NCR2: variants seen among roughly 807,000 people sequenced by gnomAD.
NCR2 encodes the protein NK cell activating receptor (NKp44).
NCR2 carries 35 observed loss-of-function variants against 30.7 expected under a neutral mutation model. That is an observed-to-expected ratio of 1.14 (90% CI 0.87 to 1.51). The LOEUF (loss-of-function observed/expected upper bound fraction) is 1.51, where lower values mean the gene tolerates loss of function less well. NCR2 is among the 40% of genes most tolerant of loss of function. NCR2 has a pLI of 0.00. For missense variants in NCR2, 316 were observed against 328.9 expected (o/e 0.96, Z 0.30); for synonymous variants, 146 against 134.8 (o/e 1.08, Z -0.58).
Position 41,336,362 on chromosome 6 carries a change from A to G in NCR2, c.328A>G (p.Arg110Gly), listed in dbSNP as rs754271377. Reference sequence around the variant, plus strand: ...GGAAGACTCAGGACATTACTGGTGTAGAATCTACCGCCCTTCTGACAACTC... The same window carrying G: ...GGAAGACTCAGGACATTACTGGTGTGGAATCTACCGCCCTTCTGACAACTC... Reference protein sequence around the residue: ...REEDSGHYWCRIYRPSDNSVS... With the variant: ...REEDSGHYWCGIYRPSDNSVS... Residue 110 changes from arginine (R) to glycine (G), a missense_variant, in exon 2 of 5, where the codon AGA becomes GGA. Transcript: ENST00000373089. The G allele has an allele frequency of 6.2e-7, 1 of 1,614,072 alleles. No homozygotes were observed. The highest frequency in any genetic ancestry group is 1.1e-5 in the South Asian group (1 of 91,090).
chr6:41,343,868 T>C (rs577526143), intron 4 of NCR2, among the ~76,000 whole-genome samples: 17 of 152,188 alleles, frequency 1.1e-4, no homozygotes, highest in Non-Finnish European at 1.8e-4. Context: ...GTTTGGGCTG[T>C]TGGGCCTAGT....
chr6:41,348,512 A>C (rs6908349), intron 4 of NCR2, among the ~76,000 whole-genome samples: 3,996 of 151,930 alleles, frequency 0.026, 165 homozygotes, highest in African/African-American at 0.087. Context: ...TTTAGCTGGG[A>C]AAATGTTGGA....
At chr6:41,337,798 A>T (rs192106879) in intron 2 of NCR2, among the ~76,000 whole-genome samples, 1 of 152,226 alleles carries the variant, frequency 6.6e-6, no homozygotes, top group East Asian at 1.9e-4. Context: ...TCAATCCTTT[A>T]TCAGTAGCCA....
chr6:41,349,144 T>C (rs1769373746), intron 4 of NCR2, among the ~76,000 whole-genome samples: 1 of 147,412 alleles, frequency 6.8e-6, no homozygotes, highest in South Asian at 2.1e-4. Flanking sequence ...TTATATTAAT[T>C]TTTATTAATA....
intron 4 of NCR2, among the ~76,000 whole-genome samples, chr6:41,344,233 T>G (rs919529812): frequency 1.3e-5 from 2 of 152,302 alleles, no homozygotes; most frequent in East Asian, 3.9e-4. Flanking sequence ...CAGCCACCCC[T>G]GTAGCACAGC....
chr6:41,349,197 C>A (rs10947965), intron 4 of NCR2, among the ~76,000 whole-genome samples: 1 of 147,166 alleles, frequency 6.8e-6, no homozygotes, highest in Admixed American at 6.8e-5. Context: ...CATATATTAT[C>A]ATGTATATAA....
At position 41,341,691 on chromosome 6, in the gene NCR2, G is replaced by A. The variant is rs1352261079; in HGVS notation, c.395-103G>A. The stretch of plus-strand genomic sequence containing the variant: ...TTAGTTTTCTTCTCTGGGCGCATGG[G>A]CTCTGTTCCCAGTCTGGTCCAACTC... On this transcript the variant is annotated intron_variant, in intron 2 of 4. Transcript: ENST00000373089. 5 of 1,415,110 alleles carry A rather than the reference G, an allele frequency of 3.5e-6. No individual in the cohort carries two copies. The East Asian group carries it at 1.1e-4, about 32-fold the overall frequency. 87.7% of individuals were successfully genotyped at this position (1,415,110 alleles called of 1,614,324 possible).
At position 41,335,938 on chromosome 6, in the gene NCR2, A is replaced by G; in HGVS notation, c.52+10A>G. The G allele has an allele frequency of 1.3e-6, 2 of 1,571,144 alleles. No homozygotes were observed. The highest frequency in any genetic ancestry group is 1.4e-5 in the African/African-American group (1 of 73,938). ...CTGCTGCTGTTCCCAGGTGAGGGGGAGGAGGAGCCCAGGGAGCAGAGGAGA... is the reference window on the plus strand; with the variant it reads ...CTGCTGCTGTTCCCAGGTGAGGGGGGGGAGGAGCCCAGGGAGCAGAGGAGA... On this transcript the variant is annotated intron_variant, in intron 1 of 4. Coordinates refer to ENST00000373089, the MANE Select transcript of NCR2 (RefSeq NM_004828.4).
At position 41,345,289 on chromosome 6, in the gene NCR2, C is replaced by T. The variant is rs370828210; in HGVS notation, c.644+3140C>T. Among the ~76,000 whole-genome samples the T allele has an allele frequency of 1.1e-4, 16 of 152,254 alleles. No homozygotes were observed. The East Asian group carries it at 2.1e-3, about 20-fold the overall frequency. ...GAGATACCTGCACCTCCCATTTCTC[C>T]AACTTTCTGGGGTTCCAAGGTAAAA... On this transcript the variant is annotated intron_variant, in intron 4 of 4. Coordinates refer to ENST00000373089, the MANE Select transcript of NCR2 (RefSeq NM_004828.4).
At chr6:41,340,538 A>C (rs1485136013) in intron 2 of NCR2, among the ~76,000 whole-genome samples, 1 of 152,170 alleles carries the variant, frequency 6.6e-6, no homozygotes, top group African/African-American at 2.4e-5. Flanking sequence ...CTCACTCCAT[A>C]TTCGACCCTC....
At chr6:41,344,378 C>CCACAGTGA (rs1264239021) in intron 4 of NCR2, among the ~76,000 whole-genome samples, 1 of 152,196 alleles carries the variant, frequency 6.6e-6, no homozygotes, top group Non-Finnish European at 1.5e-5. Flanking sequence ...GTGCCTTGCC[C>CCACAGTGA]CAGGCCTGTC....
intron 4 of NCR2, among the ~76,000 whole-genome samples, chr6:41,348,317 T>A (rs1016043546): frequency 5.3e-5 from 8 of 152,142 alleles, no homozygotes; most frequent in African/African-American, 1.9e-4. Context: ...ATTCCTCAGG[T>A]GTAATTCCTC....
intron 2 of NCR2, 145 bp from the exon 3 acceptor site, chr6:41,341,648 CA>C: frequency 9.4e-7 from 1 of 1,059,090 alleles, no homozygotes; most frequent in South Asian, 1.6e-5. Flanking sequence ...CTTCACAGTT[CA>C]GTCCCCACCC....
chr6:41,342,791 T>TG (rs145790544), intron 4 of NCR2: 15,967 of 733,614 alleles, frequency 0.022, 279 homozygotes, highest in South Asian at 0.054. Context: ...TGGGGCTGAG[T>TG]GAAAGGTGCA....
chr6:41,337,939 A>C (rs1157323032), intron 2 of NCR2, among the ~76,000 whole-genome samples: 1 of 152,218 alleles, frequency 6.6e-6, no homozygotes, highest in Admixed American at 6.5e-5. Flanking sequence ...ACATGCTATC[A>C]AATTATTAAT....
rs548571447 is a variant in NCR2, at chr6:41,349,346, A to G, written c.645-1332A>G. On this transcript the variant is annotated intron_variant, in intron 4 of 4. Coordinates refer to ENST00000373089, the MANE Select transcript of NCR2 (RefSeq NM_004828.4). ...CTGCTCCTGACACAGAGCTCCTAAG[A>G]CCTTTCTAATCTCCTGAGTGATAGG... Among the ~76,000 whole-genome samples, 44 of 152,116 alleles carry G rather than the reference A, an allele frequency of 2.9e-4. No individual in the cohort carries two copies. The East Asian group carries it at 7.1e-3, about 25-fold the overall frequency.
Position 41,342,059 on chromosome 6 carries a change from C to T in NCR2, c.554C>T (p.Pro185Leu), listed in dbSNP as rs556817617. Residue 185 changes from proline (P) to leucine (L), a missense_variant, in exon 4 of 5, where the codon CCT becomes CTT. Physicochemically the swap from Pro to Leu is moderately conservative, Grantham distance 98. Coordinates refer to ENST00000373089, the MANE Select transcript of NCR2 (RefSeq NM_004828.4). ...AGGCCACAGAACTCCACGCTCCGCCCTGGCCCTGCAGCCCCCATTGCCCTG... is the reference window on the plus strand; with the variant it reads ...AGGCCACAGAACTCCACGCTCCGCCTTGGCCCTGCAGCCCCCATTGCCCTG... ...PSQPQNSTLR[P>L]GPAAPIALVP... 3.1e-6 allele frequency: 5 copies of T among 1,613,984 alleles called. No individual in the cohort carries two copies. The East Asian group carries it at 1.1e-4, about 36-fold the overall frequency.
At position 41,342,144 on chromosome 6, in the gene NCR2, C is replaced by A. The variant is rs1484959625; in HGVS notation, c.639C>A (p.Val213=). The change falls in exon 4 of 5, where the codon GTC becomes GTA. Residue 213 remains valine (V), a synonymous_variant. Coordinates refer to ENST00000373089, the MANE Select transcript of NCR2 (RefSeq NM_004828.4). ...AKSLVLSALL[V]WWGDIWWKTM... is the part of the protein sequence containing the mutation. ...GCCTGGTGCTGTCAGCCCTGCTCGT[C>A]TGGTGGTGAGTGTGGTGTGGGTTGA... 1.9e-6 allele frequency: 3 copies of A among 1,612,804 alleles called. No individual in the cohort carries two copies. Among genetic ancestry groups the A allele is most frequent in the Non-Finnish European group, 2.5e-6 (3 of 1,179,996 alleles).
At chr6:41,347,344 A>G (rs1323513129) in intron 4 of NCR2, among the ~76,000 whole-genome samples, 1 of 152,240 alleles carries the variant, frequency 6.6e-6, no homozygotes, top group African/African-American at 2.4e-5. Flanking sequence ...ACAGCCCTCC[A>G]GCTACTGCTC....
Sources: gnomAD v4.1 joint callset for allele counts (sites outside exome capture counted in the v4.1 genomes callset) on GRCh38, gnomAD v4.1.1 for gene constraint, MANE v1.5 for transcripts, NCBI Gene and HGNC (gene_info 2026-07-23, HGNC 2026-07-21) for gene names.